AMPD3: variants seen among roughly 807,000 people sequenced by gnomAD.
AMPD3 encodes the protein AMP deaminase 3.
In AMPD3, 57 loss-of-function variants were observed where a neutral mutation model predicts 82.3. The observed-to-expected ratio is 0.69, with a 90% CI of 0.56 to 0.86. The LOEUF is 0.86. AMPD3 is among the 40% of genes least tolerant of loss of function. The pLI is 0.00. For synonymous variants in AMPD3, 381 were observed against 394.7 expected, an observed-to-expected ratio of 0.97 and a Z score of 0.41; for missense variants, 870 against 1,003.8, an observed-to-expected ratio of 0.87 and a Z score of 1.80.
chr11:10,481,317 A>G (rs1848897531), intron 3 of AMPD3: 1 of 459,580 alleles, frequency 2.2e-6, no homozygotes, highest in African/African-American at 2.1e-5. Flanking sequence ...CGCCATCTGA[A>G]GGACACATGA....
chr11:10,499,990 C>A (rs1244824035), intron 10 of AMPD3, 96 bp from the exon 11 acceptor site: 1 of 1,567,466 alleles, frequency 6.4e-7, no homozygotes, highest in Non-Finnish European at 8.7e-7. Flanking sequence ...GGGGCCCAGA[C>A]CCACAGGCCT....
chr11:10,487,065 G>T (rs1849093080), intron 5 of AMPD3, 170 bp from the exon 6 acceptor site: 1 of 967,146 alleles, frequency 1.0e-6, no homozygotes, highest in African/African-American at 1.8e-5. Context: ...AGAGTCTGTG[G>T]ATATGACTCA....
chr11:10,457,546 A>G (rs1848133625), intron 1 of AMPD3, among the ~76,000 whole-genome samples: 1 of 152,158 alleles, frequency 6.6e-6, no homozygotes, highest in African/African-American at 2.4e-5. Context: ...AGAAAGGAAG[A>G]TATGTTATAG....
intron 2 of AMPD3, among the ~76,000 whole-genome samples, chr11:10,473,241 G>C (rs1848644820): frequency 6.6e-6 from 1 of 152,196 alleles, no homozygotes; most frequent in Non-Finnish European, 1.5e-5. Context: ...CTCCATTCCA[G>C]CTTGGGCGGC....
chr11:10,499,510 C>T (rs1485896523), intron 10 of AMPD3, among the ~76,000 whole-genome samples: 4 of 152,170 alleles, frequency 2.6e-5, no homozygotes, highest in Admixed American at 6.5e-5. Context: ...GCCATCATGT[C>T]TGGCCAAACC....
rs1849721508 is a variant in AMPD3, at chr11:10,506,662, T to C, written c.*778T>C. 1 of 152,654 alleles carries C rather than the reference T, an allele frequency of 6.6e-6. No homozygotes were observed. Among genetic ancestry groups the C allele is most frequent in the South Asian group, 2.1e-4 (1 of 4,836 alleles). 9.5% of individuals were successfully genotyped at this position (152,654 alleles called of 1,614,324 possible). On this transcript the variant is annotated 3_prime_UTR_variant, in exon 15 of 15. Transcript: ENST00000396553. The surrounding 1 kb of genome is among the most constrained non-coding windows in gnomAD (Gnocchi z 4.1). ...TTTACACTGGGGCTGCTACATAATA[T>C]TTTCATTTGAACGAAGAACTTCAAA...
chr11:10,488,205 A>C (rs1849135345), intron 6 of AMPD3: 1 of 985,426 alleles, frequency 1.0e-6, no homozygotes, highest in African/African-American at 1.7e-5. Flanking sequence ...GCGAAGGTTA[A>C]ATGATCATGG....
chr11:10,463,839 C>A (rs192223486), intron 2 of AMPD3, among the ~76,000 whole-genome samples: 1 of 152,316 alleles, frequency 6.6e-6, no homozygotes, highest in East Asian at 1.9e-4. Context: ...TCTGTCTGCG[C>A]CATTTGACTA....
chr11:10,483,991 A>G (rs757282326), intron 4 of AMPD3, among the ~76,000 whole-genome samples: 1 of 152,250 alleles, frequency 6.6e-6, no homozygotes, highest in African/African-American at 2.4e-5. Flanking sequence ...GTTTATCAAG[A>G]GTCAGGAAAA....
chr11:10,499,579 G>A (rs1370349102), intron 10 of AMPD3: 1 of 859,992 alleles, frequency 1.2e-6, no homozygotes, highest in African/African-American at 1.8e-5. Context: ...TTGTAAAATG[G>A]GGCTGGCAGC....
At chr11:10,466,078 A>G (rs533782955) in intron 2 of AMPD3, among the ~76,000 whole-genome samples, 1 of 152,246 alleles carries the variant, frequency 6.6e-6, no homozygotes, top group African/African-American at 2.4e-5. Context: ...CCTGGCCAAC[A>G]TGGTGAAACC....
At chr11:10,462,652 T>A (rs1848304099) in intron 2 of AMPD3, among the ~76,000 whole-genome samples, 1 of 151,992 alleles carries the variant, frequency 6.6e-6, no homozygotes, top group South Asian at 2.1e-4. Context: ...GAGGAATGGA[T>A]CTGAGGGCAA....
At chr11:10,504,785 C>G (rs568807008) in intron 14 of AMPD3, 126 bp downstream of exon 14, 9 of 917,594 alleles carry the variant, frequency 9.8e-6, no homozygotes, top group Non-Finnish European at 1.8e-6. Context: ...CACTCAGGCA[C>G]AGGGAGAGAA....
In AMPD3 at chr11:10,501,322, G is replaced by A. The variant is rs570012420; in HGVS notation, c.1722-148G>A. The stretch of plus-strand genomic sequence containing the variant: ...CCAGGGCCTGGACCTCTGCATTTTA[G>A]GAGGGGTAGTTTCCAGGGTGCACTG... On this transcript the variant is annotated intron_variant, in intron 11 of 14. Coordinates refer to ENST00000396553, the MANE Select transcript of AMPD3 (RefSeq NM_001025389.2). 82 of 1,446,478 alleles carry A rather than the reference G, an allele frequency of 5.7e-5. No individual in the cohort carries two copies. In the African/African-American group the frequency reaches 1.1e-3, roughly 19 times the overall value. The allele number at this position is 1,446,478 out of a possible 1,614,324, so 89.6% of individuals were successfully genotyped here. A position where few individuals can be genotyped will look rare whatever the true frequency, so the allele number is the denominator to read the frequency against.
Position 10,461,764 on chromosome 11 carries a change from C to T in AMPD3, c.221+24C>T, listed in dbSNP as rs571424441. The T allele has an allele frequency of 5.1e-6, 8 of 1,579,816 alleles. No individual in the cohort carries two copies. The African/African-American group carries it at 5.4e-5, about 11-fold the overall frequency. On this transcript the variant is annotated intron_variant, in intron 2 of 14. Coordinates refer to ENST00000396553, the MANE Select transcript of AMPD3 (RefSeq NM_001025389.2). ...AGGTTTGTTCCCAAGGCATGGTTTT[C>T]GTGTACATAGAGTCATGCAGACCCA...
intron 9 of AMPD3, chr11:10,496,298 G>A (rs1196417412): frequency 1.0e-6 from 1 of 985,400 alleles, no homozygotes; most frequent in Non-Finnish European, 1.2e-6. Context: ...TCTCATTGTG[G>A]GTTGAGGATG....
At chr11:10,496,654 A>G (rs1176527872) in intron 9 of AMPD3, 158 bp from the exon 10 acceptor site, 15 of 1,442,836 alleles carry the variant, frequency 1.0e-5, no homozygotes, top group Non-Finnish European at 1.4e-5. Flanking sequence ...TTGCTGGGAG[A>G]GGAGGACAGA....
At chr11:10,462,697 G>A (rs967059372) in intron 2 of AMPD3, among the ~76,000 whole-genome samples, 2 of 152,176 alleles carry the variant, frequency 1.3e-5, no homozygotes, top group East Asian at 3.9e-4. Context: ...CTATGAAAGA[G>A]ATGAATAAGG....
Position 10,472,746 on chromosome 11 carries a change from G to A in AMPD3, c.222-5780G>A, listed in dbSNP as rs551762552. 2.0e-5 allele frequency among the ~76,000 whole-genome samples: 3 copies of A among 152,288 alleles called. No homozygotes were observed. The South Asian group carries it at 6.2e-4, about 32-fold the overall frequency. ...GGGCTGGGCGCGGTGGCTCACACCTGTAATCCCAGCACTTTGGGAGGCTGA... is the reference window on the plus strand; with the variant it reads ...GGGCTGGGCGCGGTGGCTCACACCTATAATCCCAGCACTTTGGGAGGCTGA... On this transcript the variant is annotated intron_variant, in intron 2 of 14. Transcript: ENST00000396553.
Sources: allele counts gnomAD v4.1 joint callset (sites outside exome capture counted in the v4.1 genomes callset), GRCh38; gene constraint gnomAD v4.1.1; non-coding constraint Gnocchi (gnomAD v3.1); transcripts MANE v1.5; gene names NCBI Gene and HGNC (gene_info 2026-07-23, HGNC 2026-07-21).